LIPA: variants seen among roughly 807,000 people sequenced by gnomAD.
The protein encoded by LIPA is lysosomal acid lipase/cholesteryl ester hydrolase.
A neutral mutation model predicts 40.6 loss-of-function variants in LIPA; 26 were observed. The ratio of observed to expected loss-of-function variants is 0.64; its 90% CI spans 0.47 to 0.89. LIPA has a LOEUF of 0.89. Ranked by LOEUF, LIPA falls within the 40% of genes least tolerant of loss-of-function variation. The pLI, the probability that LIPA is intolerant of heterozygous loss-of-function variation, is 0.00. For synonymous variants in LIPA, 188 were observed against 168.4 expected (o/e 1.12, Z -0.90); for missense variants, 455 against 479.6 (o/e 0.95, Z 0.48).
At chr10:89,388,649 C>T (rs1208951357) in intron 2 of LIPA, among the ~76,000 whole-genome samples, 1 of 152,060 alleles carries the variant, frequency 6.6e-6, no homozygotes, top group Admixed American at 6.6e-5. Flanking sequence ...AAAATATATA[C>T]ACAGTATCCA....
At chr10:89,313,817 G>A (rs1369763017) in intron 1 of LIPA, among the ~76,000 whole-genome samples, 1 of 152,190 alleles carries the variant, frequency 6.6e-6, no homozygotes, top group Admixed American at 6.5e-5. Flanking sequence ...CTGTTTATAT[G>A]AAATGTGGAA....
chr10:89,288,964 T>G (rs1313167651), intron 1 of LIPA, among the ~76,000 whole-genome samples: 2 of 152,266 alleles, frequency 1.3e-5, no homozygotes, highest in Admixed American at 1.3e-4. Flanking sequence ...GCTGCTTTAC[T>G]TCCAAAGGAA....
chr10:89,225,788 T>C (rs1842761507), intron 5 of LIPA, among the ~76,000 whole-genome samples: 1 of 152,178 alleles, frequency 6.6e-6, no homozygotes, highest in Non-Finnish European at 1.5e-5. Context: ...TGGTGGGAGA[T>C]AATTGAATCA....
At chr10:89,347,207 C>A (rs1418067019), upstream of LIPA, among the ~76,000 whole-genome samples, 3 of 152,160 alleles carry the variant, frequency 2.0e-5, no homozygotes, top group African/African-American at 7.2e-5. Flanking sequence ...TCCAAGAGGG[C>A]CGGTAGAGTC....
In LIPA at chr10:89,226,931, C is replaced by G; in HGVS notation, c.502G>C (p.Val168Leu). ...FILNKTGQEQ[V>L]YYVGHSQGTT... ...CCTTGAGAATGACCCACATAATACA[C>G]TTGTTCTTGGCCAGTTTTATTCAGA... is the stretch of plus-strand genomic sequence containing the variant. The change falls in exon 5 of 10, where the codon GTG (valine) becomes CTG (leucine). Residue 168 changes from valine (V) to leucine (L), a missense_variant. Transcript: ENST00000336233. 1 of 1,612,314 alleles carries G rather than the reference C, an allele frequency of 6.2e-7. No individual in the cohort carries two copies.
chr10:89,353,959 A>G (rs1258606477), intron 2 of LIPA, among the ~76,000 whole-genome samples: 1 of 152,128 alleles, frequency 6.6e-6, no homozygotes, highest in South Asian at 2.1e-4. Flanking sequence ...AAAAGAATAT[A>G]AAGTGCATTC....
intron 2 of LIPA, among the ~76,000 whole-genome samples, chr10:89,397,485 A>T (rs556266953): frequency 2.1e-4 from 32 of 152,300 alleles, no homozygotes; most frequent in Admixed American, 6.5e-4. Flanking sequence ...AGTGGAATAA[A>T]GTTATAAATT....
rs1759980706 is a variant in LIPA at position 89,376,948 on chromosome 10, GT to G, written c.61+35842del. 2.6e-5 allele frequency among the ~76,000 whole-genome samples: 4 copies of G among 152,312 alleles called. No homozygotes were observed. In the South Asian group the frequency reaches 8.3e-4, roughly 32 times the overall value. ...TTCATTTGGTAATTATGAGAAGACT[GT>G]AATGAAGTTAATAACCCTACCTTGA... On this transcript the variant is annotated intron_variant, in intron 2 of 8. Transcript: ENST00000371837.
intron 1 of LIPA, among the ~76,000 whole-genome samples, chr10:89,289,154 T>G (rs1452420480): frequency 1.3e-5 from 2 of 152,080 alleles, no homozygotes; most frequent in Non-Finnish European, 2.9e-5. Context: ...CTTCCACCTA[T>G]CAATCTCTTC....
At chr10:89,229,161 G>A (rs1041417954) in intron 3 of LIPA, among the ~76,000 whole-genome samples, 4 of 152,180 alleles carry the variant, frequency 2.6e-5, no homozygotes, top group Non-Finnish European at 4.4e-5. Flanking sequence ...AGACAATGGA[G>A]TATTACTCAG....
chr10:89,225,943 A>G (rs1842764359), intron 5 of LIPA, among the ~76,000 whole-genome samples: 2 of 152,112 alleles, frequency 1.3e-5, no homozygotes, highest in Admixed American at 6.6e-5. Context: ...TTCCGTCATT[A>G]TTGTAAGGCC....
At chr10:89,296,188 A>G (rs562393261) in intron 1 of LIPA, among the ~76,000 whole-genome samples, 1 of 152,188 alleles carries the variant, frequency 6.6e-6, no homozygotes, top group African/African-American at 2.4e-5. Flanking sequence ...GTAAGTACCT[A>G]ATAGAACTTG....
At chr10:89,367,166 G>C (rs887903614) in intron 2 of LIPA, among the ~76,000 whole-genome samples, 1 of 140,462 alleles carries the variant, frequency 7.1e-6, no homozygotes, top group South Asian at 2.6e-4. Context: ...CACACACCGG[G>C]GCCTGTCGTG....
upstream of LIPA, among the ~76,000 whole-genome samples, chr10:89,344,653 G>C (rs2133582576): frequency 6.7e-6 from 1 of 149,936 alleles, no homozygotes; most frequent in East Asian, 1.9e-4. Flanking sequence ...TTCATTTTAA[G>C]CAATTCTGGC....
intron 2 of LIPA, chr10:89,412,672 GA>G: frequency 2.6e-6 from 1 of 390,784 alleles, no homozygotes; most frequent in Non-Finnish European, 5.0e-6. Context: ...TGAAGTCAGT[GA>G]AACCACGAAC....
rs748642810 is a variant in LIPA, at chr10:89,214,323, G to C, written c.*505C>G. The C allele has an allele frequency of 6.5e-6, 1 of 153,970 alleles. No homozygotes were observed. Among genetic ancestry groups the C allele is most frequent in the Non-Finnish European group, 1.4e-5 (1 of 69,264 alleles). 9.5% of individuals were successfully genotyped at this position (153,970 alleles called of 1,614,324 possible). A position where few individuals can be genotyped will look rare whatever the true frequency, so the allele number is the denominator to read the frequency against. Reference sequence around the variant, plus strand: ...TTCTGGATTTGACTATGCACCTGCTGCAGGAAAACATGATAAAATGTCATT... The same window carrying C: ...TTCTGGATTTGACTATGCACCTGCTCCAGGAAAACATGATAAAATGTCATT... On this transcript the variant is annotated 3_prime_UTR_variant, in exon 10 of 10. Transcript: ENST00000336233.
At chr10:89,405,052 A>G (rs1844508200) in intron 2 of LIPA, 1 of 152,220 alleles carries the variant, frequency 6.6e-6, no homozygotes, top group African/African-American at 2.4e-5. Flanking sequence ...AACCAAAAAT[A>G]CTGTAATAAA....
At chr10:89,403,163 G>A in intron 2 of LIPA, 3 of 1,613,886 alleles carry the variant, frequency 1.9e-6, no homozygotes, top group Non-Finnish European at 2.5e-6. Context: ...TTTGCTACAA[G>A]GCACAAATGA....
rs563852635 is a variant in LIPA, at chr10:89,387,201, A to G, written c.61+25590T>C. Among the ~76,000 whole-genome samples, 337 of 151,706 alleles carry G rather than the reference A, an allele frequency of 2.2e-3. 2 individuals are homozygous for G. The highest frequency in any genetic ancestry group is 7.9e-3 in the African/African-American group (325 of 41,358). ...CGTGGTGGCGGGCGCCTATAGTCCCAGCTACTCGGGAGGCTGAGGCAGGAC... is the reference window on the plus strand; with the variant it reads ...CGTGGTGGCGGGCGCCTATAGTCCCGGCTACTCGGGAGGCTGAGGCAGGAC... On this transcript the variant is annotated intron_variant, in intron 2 of 8. Transcript: ENST00000371837.
Sources: gnomAD v4.1 joint callset for allele counts (sites outside exome capture counted in the v4.1 genomes callset) on GRCh38, gnomAD v4.1.1 for gene constraint, MANE v1.5 for transcripts, NCBI Gene and HGNC (gene_info 2026-07-23, HGNC 2026-07-21) for gene names.